The following SGSH variants were observed in gnomAD, a reference collection of about 807,000 sequenced individuals.
SGSH encodes the protein heparan sulfate sulfatase.
SGSH carries 48 observed loss-of-function variants against 51.0 expected under a neutral mutation model. The observed-to-expected ratio is 0.94, with a 90% CI of 0.75 to 1.20. The LOEUF (loss-of-function observed/expected upper bound fraction) is 1.20, where lower values mean the gene tolerates loss of function less well. SGSH is among the 50% of genes most tolerant of loss of function. The probability of loss-of-function intolerance (pLI) is 0.00; values close to 1 mark genes in which losing one functional copy is unlikely to be tolerated. For synonymous variants in SGSH, 321 were observed against 313.4 expected, an observed-to-expected ratio of 1.02 and a Z score of -0.26; for missense variants, 662 against 717.8, an observed-to-expected ratio of 0.92 and a Z score of 0.89.
chr17:80,203,613 G>C, downstream of SGSH: 1 of 501,554 alleles, frequency 2.0e-6, no homozygotes, highest in Non-Finnish European at 3.5e-6. The surrounding 1 kb of genome is among the most constrained non-coding windows in gnomAD (Gnocchi z 4.6). Flanking sequence ...GGGGTGGGCC[G>C]AGGCCCTGGA....
downstream of SGSH, chr17:80,204,966 C>T: frequency 1.5e-6 from 2 of 1,361,082 alleles, no homozygotes; most frequent in African/African-American, 1.5e-5. Context: ...CCCAGTCCCT[C>T]CCGGGGCAGG....
chr17:80,204,746 CCTGG>C (rs762337701), downstream of SGSH: 6 of 432,110 alleles, frequency 1.4e-5, no homozygotes, highest in Non-Finnish European at 2.5e-5. Flanking sequence ...GGAAGAAAAC[CCTGG>C]CTTCCGCCAT....
the SGSH span, chr17:80,201,327 G>C: frequency 5.7e-6 from 1 of 174,164 alleles, no homozygotes; most frequent in Admixed American, 5.5e-5. This position sits in a 1 kb window ranked among gnomAD's most constrained non-coding sequence, Gnocchi z 5.0. Flanking sequence ...GTGAAGGCCA[G>C]GGATGCCACT....
At chr17:80,211,494 C>T (rs2041664396) in intron 7 of SGSH, 2 of 270,996 alleles carry the variant, frequency 7.4e-6, no homozygotes, top group Admixed American at 5.1e-5. Context: ...GAAGGGGTCA[C>T]CCCGAGCCCC....
In SGSH at chr17:80,212,128, A is replaced by G. The variant is rs138504221; in HGVS notation, c.892T>C (p.Ser298Pro). The G allele has an allele frequency of 1.8e-4, 289 of 1,613,568 alleles. No individual in the cohort carries two copies. The highest frequency in any genetic ancestry group is 2.4e-4 in the Non-Finnish European group (284 of 1,180,024). ...PGTAEPLLVS[S>P]PEHPKRWGQV... ...CCCCAGCGTTTTGGGTGCTCCGGGG[A>G]TGACACCAGTAAGGGTTCAGCAGTG... is the stretch of plus-strand genomic sequence containing the variant. Residue 298 changes from serine to proline, a missense_variant, in exon 7 of 8, where the codon TCC becomes CCC. Coordinates refer to ENST00000326317, the MANE Select transcript of SGSH (RefSeq NM_000199.5). This position sits in a 1 kb window ranked among gnomAD's most constrained non-coding sequence, Gnocchi z 5.9.
chr17:80,217,353 G>C (rs2041932675), intron 1 of SGSH, 161 bp from the exon 2 acceptor site: 2 of 795,512 alleles, frequency 2.5e-6, no homozygotes, highest in Non-Finnish European at 2.1e-6. Context: ...TATCGTGACA[G>C]AGCACTCCAT....
intron 2 of SGSH, among the ~76,000 whole-genome samples, chr17:80,215,743 T>C (rs1217676093): frequency 6.6e-5 from 10 of 151,728 alleles, no homozygotes. Context: ...GGCTTGAATC[T>C]GGGAGGTGGA....
At position 80,210,969 on chromosome 17, in the gene SGSH, G is replaced by A. The variant is rs1248268298; in HGVS notation, c.992C>T (p.Pro331Leu). 6.2e-7 allele frequency: 1 copy of A among 1,600,818 alleles called. No individual in the cohort carries two copies. Among genetic ancestry groups the A allele is most frequent in the Non-Finnish European group, 8.5e-7 (1 of 1,179,858 alleles). ...TILDWFSIPY[P>L]SYAIFGSKTI... Reference sequence around the variant, plus strand: ...CTTCGAGCCAAAGATGGCGTAGCTGGGGTACGGGATCGAGAACCAATCCAA... The same window carrying A: ...CTTCGAGCCAAAGATGGCGTAGCTGAGGTACGGGATCGAGAACCAATCCAA... The change falls in exon 8 of 8, where the codon CCC becomes CTC. Residue 331 changes from proline to leucine, a missense_variant. By Grantham distance (98) the Pro-to-Leu change is moderately conservative. Coordinates refer to ENST00000326317, the MANE Select transcript of SGSH (RefSeq NM_000199.5).
intron 1 of SGSH, chr17:80,220,014 G>A: frequency 2.1e-6 from 1 of 481,674 alleles, no homozygotes; most frequent in Non-Finnish European, 3.7e-6. Context: ...CTGGATGCTG[G>A]GGCTCACTCC....
chr17:80,204,266 A>T (rs2041152147), downstream of SGSH: 1 of 1,599,456 alleles, frequency 6.3e-7, no homozygotes, highest in Non-Finnish European at 8.6e-7. Context: ...CCGCATCGTC[A>T]GTATGGACAA....
intron 7 of SGSH, 170 bp downstream of exon 7, chr17:80,211,899 CCT>C: frequency 3.0e-6 from 2 of 661,466 alleles, no homozygotes; most frequent in Non-Finnish European, 5.5e-6. Flanking sequence ...GCTTACTTCA[CCT>C]CTCTGAGCCT....
At position 80,209,511 on chromosome 17, in the gene SGSH, C is replaced by T. The variant is rs2041537739; in HGVS notation, c.*941G>A. 1.0e-6 allele frequency: 1 copy of T among 985,380 alleles called. No individual in the cohort carries two copies. The highest frequency in any genetic ancestry group is 1.2e-6 in the Non-Finnish European group (1 of 830,106). The allele number at this position is 985,380 out of a possible 1,614,324, so 61.0% of individuals were successfully genotyped here. Reference sequence around the variant, plus strand: ...GGCAGGGCAGGAACGGCACATTCTCCCAGCAACGCCGACGTCATCCAAGAA... The same window carrying T: ...GGCAGGGCAGGAACGGCACATTCTCTCAGCAACGCCGACGTCATCCAAGAA... On this transcript the variant is annotated 3_prime_UTR_variant, in exon 8 of 8. Transcript: ENST00000326317.
chr17:80,202,337 C>T (rs1261708229), downstream of SGSH: 1 of 1,613,456 alleles, frequency 6.2e-7, no homozygotes, highest in East Asian at 2.2e-5. Context: ...TGTTCCAGGG[C>T]TGCGGCTGCT....
intron 1 of SGSH, among the ~76,000 whole-genome samples, chr17:80,218,445 A>G (rs1320481701): frequency 1.3e-5 from 2 of 152,222 alleles, no homozygotes; most frequent in Non-Finnish European, 2.9e-5. Flanking sequence ...GGAGTAGAGG[A>G]CACTGGGGGC....
chr17:80,217,657 T>G (rs1177169436), intron 1 of SGSH, among the ~76,000 whole-genome samples: 1 of 146,614 alleles, frequency 6.8e-6, no homozygotes. Flanking sequence ...TGTTGGCAGG[T>G]GAGCATGGTA....
Position 80,210,110 on chromosome 17 carries a change from A to C in SGSH, c.*342T>G. The C allele has an allele frequency of 8.5e-7, 1 of 1,181,528 alleles. No homozygotes were observed. The highest frequency in any genetic ancestry group is 1.1e-6 in the Non-Finnish European group (1 of 948,432). The allele number at this position is 1,181,528 out of a possible 1,614,324, so 73.2% of individuals were successfully genotyped here. On this transcript the variant is annotated 3_prime_UTR_variant, in exon 8 of 8. Coordinates refer to ENST00000326317, the MANE Select transcript of SGSH (RefSeq NM_000199.5). ...AGGTCCCCAAACCAAGCCAGAAAAC[A>C]AGACTCCCTTGTCATGGGCTGGGGG... is the stretch of plus-strand genomic sequence containing the variant.
rs1184745111 is a variant in SGSH, at chr17:80,210,261, C to T, written c.*191G>A. On this transcript the variant is annotated 3_prime_UTR_variant, in exon 8 of 8. Coordinates refer to ENST00000326317, the MANE Select transcript of SGSH (RefSeq NM_000199.5). ...TGGTGGTGGAGGGGCTGGGCACATGCTCTGGTCACATGCTCTGGTCCCCCT... is the reference window on the plus strand; with the variant it reads ...TGGTGGTGGAGGGGCTGGGCACATGTTCTGGTCACATGCTCTGGTCCCCCT... The T allele has an allele frequency of 2.5e-5, 36 of 1,429,384 alleles. No individual in the cohort carries two copies. The highest frequency in any genetic ancestry group is 4.3e-5 in the African/African-American group (3 of 69,590). 88.5% of individuals were successfully genotyped at this position (1,429,384 alleles called of 1,614,324 possible).
chr17:80,215,275 A>G (rs1272674023), intron 2 of SGSH, 137 bp from the exon 3 acceptor site: 1 of 700,392 alleles, frequency 1.4e-6, no homozygotes, highest in African/African-American at 1.8e-5. Flanking sequence ...CAGCACCCAG[A>G]GACACTGGCT....
chr17:80,211,935 G>A (rs551760252), intron 7 of SGSH, 136 bp downstream of exon 7: 6 of 742,056 alleles, frequency 8.1e-6, no homozygotes, highest in Non-Finnish European at 1.4e-5. Context: ...TGTAGAGTGG[G>A]AGTGACAGTC....
Sources: allele counts gnomAD v4.1 joint callset (sites outside exome capture counted in the v4.1 genomes callset), GRCh38; gene constraint gnomAD v4.1.1; non-coding constraint Gnocchi (gnomAD v3.1); transcripts MANE v1.5; gene names NCBI Gene and HGNC (gene_info 2026-07-23, HGNC 2026-07-21).